The following PRKAA1 variants were observed in gnomAD, a reference collection of about 807,000 sequenced individuals.
PRKAA1 encodes 5'-AMP-activated protein kinase catalytic subunit alpha-1.
Under a neutral mutation model 56.9 loss-of-function variants are expected in PRKAA1, and 23 were observed. The observed-to-expected ratio is 0.40, with a 90% CI of 0.29 to 0.57. The LOEUF is 0.57. Ranked by LOEUF, PRKAA1 falls within the 20% of genes least tolerant of loss-of-function variation. The pLI is 0.39. For synonymous variants in PRKAA1, 226 were observed against 227.0 expected, an observed-to-expected ratio of 1.00 and a Z score of 0.04; for missense variants, 413 against 679.7, an observed-to-expected ratio of 0.61 and a Z score of 4.36.
At chr5:40,779,758 TTA>T (rs1446483421) in intron 1 of PRKAA1, among the ~76,000 whole-genome samples, 1 of 152,164 alleles carries the variant, frequency 6.6e-6, no homozygotes, top group Admixed American at 6.5e-5. Flanking sequence ...TTGAGAAATT[TTA>T]TCTTTCACAA....
chr5:40,772,611 GT>G (rs970839768), intron 3 of PRKAA1, among the ~76,000 whole-genome samples: 2 of 150,904 alleles, frequency 1.3e-5, no homozygotes, highest in African/African-American at 4.9e-5. Flanking sequence ...TGTTTTTTGT[GT>G]TTTTTTGGGG....
intron 1 of PRKAA1, among the ~76,000 whole-genome samples, chr5:40,781,457 G>C (rs12188129): frequency 6.6e-6 from 1 of 152,020 alleles, no homozygotes; most frequent in Non-Finnish European, 1.5e-5. Flanking sequence ...GAAAAACTAA[G>C]AGAATCTCAA....
At chr5:40,784,384 CCCA>C (rs1163344550) in intron 1 of PRKAA1, among the ~76,000 whole-genome samples, 1 of 152,098 alleles carries the variant, frequency 6.6e-6, no homozygotes, top group South Asian at 2.1e-4. Flanking sequence ...CCACTCCTAC[CCCA>C]CCACCACTAC....
chr5:40,792,671 G>A (rs1288154084), intron 1 of PRKAA1, among the ~76,000 whole-genome samples: 2 of 152,116 alleles, frequency 1.3e-5, no homozygotes, highest in Non-Finnish European at 2.9e-5. Flanking sequence ...TCTAGTTCAT[G>A]TTTATAATTT....
At chr5:40,776,987 G>C (rs1226191910) in intron 2 of PRKAA1, 1 of 154,336 alleles carries the variant, frequency 6.5e-6, no homozygotes, top group African/African-American at 2.4e-5. Flanking sequence ...CATCAATGGG[G>C]TTAGAAAAAT....
rs34749478 is a variant in PRKAA1, at chr5:40,786,786, C to CAAAAA, written c.128-9205_128-9201dup. Among the ~76,000 whole-genome samples, 37 of 43,512 alleles carry CAAAAA rather than the reference C, an allele frequency of 8.5e-4. 3 individuals are homozygous for CAAAAA. Among genetic ancestry groups the CAAAAA allele is most frequent in the African/African-American group, 2.4e-3 (26 of 11,040 alleles). 28.5% of individuals were successfully genotyped at this position (43,512 alleles called of 152,430 possible). A position where few individuals can be genotyped will look rare whatever the true frequency, so the allele number is the denominator to read the frequency against. On this transcript the variant is annotated intron_variant, in intron 1 of 8. Transcript: ENST00000397128. ...TGAAACCCTGTCTCTACTAAAAATA[C>CAAAAA]AAAAAAAAAAAAAAAAAAAAAAAAA...
At chr5:40,771,671 A>C in intron 4 of PRKAA1, 48 bp downstream of exon 4, 4 of 1,552,562 alleles carry the variant, frequency 2.6e-6, no homozygotes, top group Non-Finnish European at 3.5e-6. Flanking sequence ...CATTGAAACT[A>C]TAAGAACATT....
intron 1 of PRKAA1, among the ~76,000 whole-genome samples, chr5:40,779,148 C>A (rs2112049612): frequency 6.6e-6 from 1 of 152,102 alleles, no homozygotes; most frequent in African/African-American, 2.4e-5. Context: ...AAAATCAAGT[C>A]ATTTTATCTT....
chr5:40,776,837 T>C (rs952624694), intron 2 of PRKAA1, among the ~76,000 whole-genome samples: 1 of 152,136 alleles, frequency 6.6e-6, no homozygotes, highest in African/African-American at 2.4e-5. Context: ...TCAAGAGTTT[T>C]TACTAGCAGA....
At chr5:40,767,020 A>G (rs1743490526) in intron 6 of PRKAA1, among the ~76,000 whole-genome samples, 1 of 152,008 alleles carries the variant, frequency 6.6e-6, no homozygotes, top group East Asian at 1.9e-4. Flanking sequence ...CTTGTCTCAA[A>G]AAAAATAAAT....
rs535167171 is a variant in PRKAA1 at position 40,778,206 on chromosome 5, A to G, written c.128-620T>C. On this transcript the variant is annotated intron_variant, in intron 1 of 8. Coordinates refer to ENST00000397128, the MANE Select transcript of PRKAA1 (RefSeq NM_006251.6). ...AGAGGTTGCAGTGAGCCCAGATTGC[A>G]CCACTGCACTCCAGTCTGGGGTGAT... 9.8e-5 allele frequency among the ~76,000 whole-genome samples: 15 copies of G among 152,300 alleles called. No individual in the cohort carries two copies. In the South Asian group the frequency reaches 2.9e-3, roughly 29 times the overall value.
chr5:40,779,289 TCTAA>T, intron 1 of PRKAA1, among the ~76,000 whole-genome samples: 1 of 152,000 alleles, frequency 6.6e-6, no homozygotes. Context: ...ATCCCTAAAA[TCTAA>T]AATTCCAAAA....
At chr5:40,781,639 A>G (rs991097265) in intron 1 of PRKAA1, among the ~76,000 whole-genome samples, 1 of 152,216 alleles carries the variant, frequency 6.6e-6, no homozygotes, top group Non-Finnish European at 1.5e-5. Flanking sequence ...GAAAAAAATG[A>G]GATAATTCAT....
chr5:40,763,650 T>C (rs548352538), intron 8 of PRKAA1, among the ~76,000 whole-genome samples: 2 of 152,306 alleles, frequency 1.3e-5, no homozygotes, highest in East Asian at 3.9e-4. Flanking sequence ...ATTCAATTGG[T>C]ATACCCCAGT....
intron 8 of PRKAA1, among the ~76,000 whole-genome samples, 183 bp from the exon 9 acceptor site, chr5:40,763,205 T>C (rs1376546711): frequency 6.6e-6 from 1 of 152,156 alleles, no homozygotes; most frequent in Admixed American, 6.5e-5. Flanking sequence ...TTACATATAG[T>C]ATGTATTCTC....
Position 40,770,760 on chromosome 5 carries a change from T to C in PRKAA1, c.508+959A>G, listed in dbSNP as rs181928167. Among the ~76,000 whole-genome samples, 675 of 151,842 alleles carry C rather than the reference T, an allele frequency of 4.4e-3. 6 individuals carry two copies. Among genetic ancestry groups the C allele is most frequent in the African/African-American group, 0.016 (646 of 41,464 alleles). On this transcript the variant is annotated intron_variant, in intron 4 of 8. Transcript: ENST00000397128. ...GCACGCACCACCATGCCCAGCTAAT[T>C]TTGTATTTTTAGTAGAGATGGGTTT...
intron 2 of PRKAA1, among the ~76,000 whole-genome samples, chr5:40,776,256 G>A (rs1378927143): frequency 6.6e-6 from 1 of 152,220 alleles, no homozygotes; most frequent in Non-Finnish European, 1.5e-5. Flanking sequence ...GGTAGAAAGT[G>A]AAAGAAACAG....
chr5:40,787,390 A>G (rs152372), intron 1 of PRKAA1, among the ~76,000 whole-genome samples: 103,905 of 151,284 alleles, frequency 0.69, 35,787 homozygotes, highest in East Asian at 0.8. Context: ...GCTTGAACCC[A>G]GGAGGTGGAG....
chr5:40,769,576 A>C (rs1743624436), intron 4 of PRKAA1, 73 bp from the exon 5 acceptor site: 2 of 1,195,004 alleles, frequency 1.7e-6, no homozygotes, highest in Admixed American at 3.9e-5. Flanking sequence ...AAACAATAAA[A>C]TTGAGTTTGC....
Sources: allele counts gnomAD v4.1 joint callset (sites outside exome capture counted in the v4.1 genomes callset), GRCh38; gene constraint gnomAD v4.1.1; transcripts MANE v1.5; gene names NCBI Gene and HGNC (gene_info 2026-07-23, HGNC 2026-07-21).